Variants in BMP5 observed in about 807,000 individuals in gnomAD.
The protein encoded by BMP5 is bone morphogenetic protein 5.
In BMP5, 23 loss-of-function variants were observed where a neutral mutation model predicts 46.6. The observed-to-expected ratio is 0.49, with a 90% confidence interval of 0.35 to 0.70. The LOEUF (loss-of-function observed/expected upper bound fraction) is 0.70. Ranked by LOEUF, BMP5 falls within the 30% of genes least tolerant of loss-of-function variation. The pLI, the probability that BMP5 is intolerant of heterozygous loss-of-function variation, is 0.00. For missense variants in BMP5, 545 were observed against 565.6 expected (o/e 0.96, Z 0.37); for synonymous variants, 204 against 191.9 (o/e 1.06, Z -0.52).
At chr6:55,840,284 A>T (rs1416823703) in intron 1 of BMP5, among the ~76,000 whole-genome samples, 1 of 152,108 alleles carries the variant, frequency 6.6e-6, no homozygotes, top group Non-Finnish European at 1.5e-5. Context: ...TTAGGACTTT[A>T]AAAATACTTA....
chr6:55,777,215 G>T (rs2127522497), intron 3 of BMP5, among the ~76,000 whole-genome samples: 1 of 151,804 alleles, frequency 6.6e-6, no homozygotes, highest in Non-Finnish European at 1.5e-5. Flanking sequence ...TTCAAAGACT[G>T]AATAGTTATT....
At chr6:55,796,987 A>C (rs1775730288) in intron 2 of BMP5, among the ~76,000 whole-genome samples, 1 of 152,146 alleles carries the variant, frequency 6.6e-6, no homozygotes, top group South Asian at 2.1e-4. Flanking sequence ...ATTAATGGTC[A>C]AAGCTATTTT....
intron 1 of BMP5, among the ~76,000 whole-genome samples, chr6:55,838,484 T>G (rs576875132): frequency 6.6e-6 from 1 of 152,196 alleles, no homozygotes; most frequent in East Asian, 1.9e-4. Flanking sequence ...ATTTTTTTAT[T>G]AAATTATTAG....
intron 1 of BMP5, among the ~76,000 whole-genome samples, chr6:55,857,757 A>G (rs1050042233): frequency 2.6e-5 from 4 of 152,092 alleles, no homozygotes; most frequent in Admixed American, 1.3e-4. Flanking sequence ...GGTTTTTTTG[A>G]GACAGAGTTT....
At chr6:55,822,290 G>A (rs1045110991) in intron 1 of BMP5, among the ~76,000 whole-genome samples, 2 of 152,042 alleles carry the variant, frequency 1.3e-5, no homozygotes, top group African/African-American at 4.8e-5. Context: ...TGAAAACTAC[G>A]AGTTTGTTTT....
At chr6:55,778,186 A>T (rs1775223466) in intron 3 of BMP5, among the ~76,000 whole-genome samples, 1 of 152,026 alleles carries the variant, frequency 6.6e-6, no homozygotes, top group Admixed American at 6.6e-5. Flanking sequence ...CCCTTGTATG[A>T]TATCCATGTC....
intron 4 of BMP5, 106 bp from the exon 5 acceptor site, chr6:55,760,639 T>G: frequency 1.0e-6 from 1 of 954,340 alleles, no homozygotes; most frequent in Non-Finnish European, 1.6e-6. Context: ...TATTTGAAGT[T>G]GTGGAAAAAT....
At chr6:55,874,247 G>A (rs1777848166) in intron 1 of BMP5, 129 bp downstream of exon 1, 1 of 1,157,656 alleles carries the variant, frequency 8.6e-7, no homozygotes, top group African/African-American at 1.6e-5. Flanking sequence ...AAAGAAAACA[G>A]AAGCTAAACA....
At chr6:55,819,098 T>G (rs2127538295) in intron 2 of BMP5, among the ~76,000 whole-genome samples, 1 of 152,324 alleles carries the variant, frequency 6.6e-6, no homozygotes, top group South Asian at 2.1e-4. Flanking sequence ...TATTTAACAC[T>G]TATTTTCAAT....
In BMP5 at chr6:55,759,124, TAC is replaced by T. The variant is rs749127959; in HGVS notation, c.1105-11_1105-10del. ...GGTGCTATAATCCAGTCCTGACACA[TAC>T]ACACACACACACACACACAAAAAAA... On this transcript the variant is annotated splice_polypyrimidine_tract_variant and intron_variant, in intron 5 of 6. Coordinates refer to ENST00000370830, the MANE Select transcript of BMP5 (RefSeq NM_021073.4). The T allele has an allele frequency of 0.015, 6,473 of 432,076 alleles. 5 individuals carry two copies. The highest frequency in any genetic ancestry group is 0.03 in the East Asian group (566 of 19,090). 26.8% of individuals were successfully genotyped at this position (432,076 alleles called of 1,614,324 possible). A position where few individuals can be genotyped will look rare whatever the true frequency, so the allele number is the denominator to read the frequency against.
chr6:55,760,378 T>C (rs1267554799), intron 5 of BMP5, 79 bp downstream of exon 5: 3 of 1,330,698 alleles, frequency 2.3e-6, no homozygotes, highest in Non-Finnish European at 3.2e-6. Flanking sequence ...TATTGGAAAA[T>C]TACTGCCAAA....
chr6:55,763,825 C>G (rs1774842353), intron 4 of BMP5, among the ~76,000 whole-genome samples: 1 of 152,048 alleles, frequency 6.6e-6, no homozygotes, highest in Admixed American at 6.6e-5. Flanking sequence ...AAACATATTG[C>G]TAAATACTTT....
At chr6:55,772,798 T>A in intron 4 of BMP5, 1 of 985,126 alleles carries the variant, frequency 1.0e-6, no homozygotes, top group Non-Finnish European at 1.2e-6. Context: ...ACAGAAATCT[T>A]CCCTCCTGCT....
intron 4 of BMP5, among the ~76,000 whole-genome samples, chr6:55,762,901 T>C (rs1774821545): frequency 6.6e-6 from 1 of 152,088 alleles, no homozygotes; most frequent in South Asian, 2.1e-4. Context: ...AAAGCAACCG[T>C]AGACAATACG....
intron 1 of BMP5, among the ~76,000 whole-genome samples, chr6:55,858,120 TTATAATTAAGTTA>T (rs1200160957): frequency 6.6e-6 from 1 of 152,226 alleles, no homozygotes; most frequent in Non-Finnish European, 1.5e-5. Flanking sequence ...CTTGAGCGTT[TTATAATTAAGTTA>T]TAGAAGGTTA....
chr6:55,816,075 G>A (rs1327977352), intron 2 of BMP5, among the ~76,000 whole-genome samples: 1 of 151,578 alleles, frequency 6.6e-6, no homozygotes, highest in Non-Finnish European at 1.5e-5. Flanking sequence ...ATAGAAAACT[G>A]GTATGCCAAT....
intron 1 of BMP5, among the ~76,000 whole-genome samples, chr6:55,867,568 A>G (rs1378869758): frequency 6.6e-6 from 1 of 152,180 alleles, no homozygotes; most frequent in East Asian, 1.9e-4. Context: ...TTGCCACAAC[A>G]TGTAATCAAA....
At chr6:55,777,218 T>G (rs183102560) in intron 3 of BMP5, among the ~76,000 whole-genome samples, 1 of 152,000 alleles carries the variant, frequency 6.6e-6, no homozygotes, top group African/African-American at 2.4e-5. Context: ...AAAGACTGAA[T>G]AGTTATTTTA....
chr6:55,833,155 A>G (rs774611607), intron 1 of BMP5, among the ~76,000 whole-genome samples: 5 of 152,168 alleles, frequency 3.3e-5, no homozygotes, highest in Non-Finnish European at 5.9e-5. Flanking sequence ...TATTATGAAT[A>G]TCTAACACTA....
Sources: gnomAD v4.1 joint callset for allele counts (sites outside exome capture counted in the v4.1 genomes callset) on GRCh38, gnomAD v4.1.1 for gene constraint, MANE v1.5 for transcripts, NCBI Gene and HGNC (gene_info 2026-07-23, HGNC 2026-07-21) for gene names.